The following ABCC12 variants were observed in gnomAD, a reference collection of about 807,000 sequenced individuals.
The protein encoded by ABCC12 is ATP binding cassette subfamily C member 12.
In ABCC12, 142 loss-of-function variants were observed where a neutral mutation model predicts 151.1. The ratio of observed to expected loss-of-function variants is 0.94; its 90% confidence interval spans 0.82 to 1.08. ABCC12 has a LOEUF of 1.08. Among genes scored for constraint, ABCC12 ranks in the 50% least tolerant of loss-of-function variants. The pLI is 0.00. For missense variants in ABCC12, 1,638 were observed against 1,691.1 expected, an observed-to-expected ratio of 0.97 and a Z score of 0.55; for synonymous variants, 645 against 646.4, an observed-to-expected ratio of 1.00 and a Z score of 0.03.
chr16:48,111,333 TG>T (rs1164881376), intron 18 of ABCC12, 102 bp downstream of exon 18: 3 of 1,383,772 alleles, frequency 2.2e-6, no homozygotes, highest in Admixed American at 3.5e-5. Context: ...CAATTCTGGC[TG>T]CCCAAAATGA....
At chr16:48,112,310 T>A (rs937568670) in intron 15 of ABCC12, among the ~76,000 whole-genome samples, 2 of 152,148 alleles carry the variant, frequency 1.3e-5, no homozygotes, top group African/African-American at 4.8e-5. Flanking sequence ...AGAAATCTGA[T>A]CATGGCCAGG....
chr16:48,139,028 C>T, intron 7 of ABCC12, 135 bp downstream of exon 7: 2 of 1,076,660 alleles, frequency 1.9e-6, no homozygotes, highest in Non-Finnish European at 1.3e-6. Flanking sequence ...CTACTCTGTG[C>T]CAAAGGAAGT....
intron 10 of ABCC12, among the ~76,000 whole-genome samples, chr16:48,130,112 A>G (rs940480983): frequency 1.3e-5 from 2 of 152,226 alleles, no homozygotes; most frequent in African/African-American, 4.8e-5. Flanking sequence ...CAATCAATTC[A>G]TAGATGTTTG....
intron 27 of ABCC12, 110 bp from the exon 28 acceptor site, chr16:48,086,929 T>TG: frequency 1.1e-6 from 1 of 887,874 alleles, no homozygotes. Context: ...TGGCATGTGA[T>TG]GACCTCGTGC....
intron 8 of ABCC12, among the ~76,000 whole-genome samples, 197 bp from the exon 9 acceptor site, chr16:48,134,032 G>A (rs74018254): frequency 2.6e-3 from 395 of 152,270 alleles, no homozygotes; most frequent in Non-Finnish European, 4.0e-3. Flanking sequence ...GTCAGCTGCC[G>A]TAAGTGGATG....
intron 8 of ABCC12, 37 bp downstream of exon 8, chr16:48,138,191 A>C: frequency 1.9e-6 from 3 of 1,567,594 alleles, no homozygotes; most frequent in Non-Finnish European, 2.6e-6. Flanking sequence ...ATATTCTACA[A>C]GGTAAGTGGT....
At chr16:48,097,620 G>A (rs762062614) in intron 23 of ABCC12, among the ~76,000 whole-genome samples, 3 of 152,078 alleles carry the variant, frequency 2.0e-5, no homozygotes, top group South Asian at 2.1e-4. Context: ...CTGGAGTTCC[G>A]CATTCCCCAG....
chr16:48,138,090 A>G (rs997210475), intron 8 of ABCC12, 138 bp downstream of exon 8: 3 of 867,972 alleles, frequency 3.5e-6, no homozygotes, highest in Non-Finnish European at 4.9e-6. Flanking sequence ...CCTTTGAAAA[A>G]TTCTTTGACC....
In ABCC12 at chr16:48,091,225, G is replaced by A; in HGVS notation, c.3196-16C>T. On this transcript the variant is annotated splice_polypyrimidine_tract_variant and intron_variant, in intron 24 of 30. Transcript: ENST00000311303. ...GTCCGCTCAGCTGTTGAAAAGGAGC[G>A]AGCAGCCGCAGTTAGAGCCCCTTCC... The A allele has an allele frequency of 6.2e-7, 1 of 1,613,246 alleles. No individual in the cohort carries two copies. The highest frequency in any genetic ancestry group is 1.1e-5 in the South Asian group (1 of 91,052).
chr16:48,086,558 G>T (rs777925545), intron 28 of ABCC12, 183 bp downstream of exon 28: 3 of 593,454 alleles, frequency 5.1e-6, no homozygotes, highest in South Asian at 1.9e-5. Flanking sequence ...TCATTGTAGA[G>T]CCCTATTGTT....
intron 23 of ABCC12, 21 bp from the exon 24 acceptor site, chr16:48,096,923 C>A (rs2019240): frequency 1.2e-6 from 2 of 1,613,820 alleles, no homozygotes; most frequent in Non-Finnish European, 1.7e-6. Context: ...CGTCGTTTAG[C>A]GTCTTAAACC....
intron 3 of ABCC12, 54 bp from the exon 4 acceptor site, chr16:48,144,119 T>C: frequency 6.4e-7 from 1 of 1,562,396 alleles, no homozygotes; most frequent in Non-Finnish European, 8.7e-7. Flanking sequence ...TTGCCCCAAC[T>C]CTCTCTCTGG....
At chr16:48,084,714 T>C (rs1248658981) in intron 29 of ABCC12, among the ~76,000 whole-genome samples, 1 of 152,056 alleles carries the variant, frequency 6.6e-6, no homozygotes, top group Non-Finnish European at 1.5e-5. Context: ...CATCTCAAGA[T>C]CCTTAATCGC....
At chr16:48,089,528 C>A (rs1422524697) in intron 25 of ABCC12, among the ~76,000 whole-genome samples, 2 of 152,068 alleles carry the variant, frequency 1.3e-5, no homozygotes, top group African/African-American at 2.4e-5. Flanking sequence ...ACAAGAGCAG[C>A]CCCTCCTCTT....
At chr16:48,115,701 G>T (rs781720612) in intron 14 of ABCC12, 83 bp from the exon 15 acceptor site, 11 of 1,391,898 alleles carry the variant, frequency 7.9e-6, no homozygotes, top group Non-Finnish European at 1.1e-5. Context: ...AGCTTCTCAG[G>T]ACTCAGGGGA....
intron 9 of ABCC12, 53 bp from the exon 10 acceptor site, chr16:48,130,948 C>G (rs1964405141): frequency 1.5e-6 from 2 of 1,323,980 alleles, no homozygotes; most frequent in South Asian, 2.4e-5. Context: ...CACGTTGGCT[C>G]TAAACCGTTA....
At chr16:48,113,531 C>T (rs559980826) in intron 15 of ABCC12, among the ~76,000 whole-genome samples, 1 of 152,304 alleles carries the variant, frequency 6.6e-6, no homozygotes, top group Non-Finnish European at 1.5e-5. Flanking sequence ...GAAGAGCGAT[C>T]ATCCACCCCA....
At chr16:48,120,010 A>G (rs1964013803) in intron 13 of ABCC12, among the ~76,000 whole-genome samples, 1 of 152,236 alleles carries the variant, frequency 6.6e-6, no homozygotes, top group Non-Finnish European at 1.5e-5. Context: ...GAGAGAATGT[A>G]CGTGGCAATA....
At chr16:48,100,242 G>A (rs1963255410) in intron 23 of ABCC12, among the ~76,000 whole-genome samples, 1 of 152,164 alleles carries the variant, frequency 6.6e-6, no homozygotes, top group South Asian at 2.1e-4. Context: ...TTACAGGCGT[G>A]AGCCACCGCG....
Sources: allele counts gnomAD v4.1 joint callset (sites outside exome capture counted in the v4.1 genomes callset), GRCh38; gene constraint gnomAD v4.1.1; transcripts MANE v1.5; gene names NCBI Gene and HGNC (gene_info 2026-07-23, HGNC 2026-07-21).